NKAIN2: variants seen among roughly 807,000 people sequenced by gnomAD.
The protein encoded by NKAIN2 is sodium/potassium-transporting ATPase subunit beta-1-interacting protein 2.
In NKAIN2, 14 loss-of-function variants were observed where a neutral mutation model predicts 32.6. The ratio of observed to expected loss-of-function variants is 0.43; its 90% CI spans 0.28 to 0.67. The LOEUF is 0.67. Among genes scored for constraint, NKAIN2 ranks in the 30% least tolerant of loss-of-function variants. The pLI, the probability that NKAIN2 is intolerant of heterozygous loss-of-function variation, is 0.17. For missense variants in NKAIN2, 198 were observed against 258.3 expected (o/e 0.77, Z 1.60); for synonymous variants, 80 against 87.2 (o/e 0.92, Z 0.46).
intron 4 of NKAIN2, among the ~76,000 whole-genome samples, chr6:124,779,199 G>A (rs569463900): frequency 7.3e-5 from 11 of 150,674 alleles, no homozygotes; most frequent in East Asian, 2.0e-4. Context: ...AGCAGAGATC[G>A]TGCCACTGCA....
intron 1 of NKAIN2, among the ~76,000 whole-genome samples, chr6:124,043,956 T>C (rs1022198527): frequency 6.6e-5 from 10 of 152,082 alleles, no homozygotes; most frequent in Admixed American, 2.6e-4. Flanking sequence ...GTAGGAACTA[T>C]GTATTAGTTA....
chr6:124,604,266 A>G (rs1232889858), intron 3 of NKAIN2, among the ~76,000 whole-genome samples: 1 of 151,990 alleles, frequency 6.6e-6, no homozygotes, highest in Non-Finnish European at 1.5e-5. Context: ...TTACCCACTG[A>G]TTTAAATTAA....
At chr6:123,868,148 G>A (rs149755953) in intron 1 of NKAIN2, among the ~76,000 whole-genome samples, 183 of 152,140 alleles carry the variant, frequency 1.2e-3, no homozygotes, top group Non-Finnish European at 1.9e-3. Context: ...GATTACAGGC[G>A]TGAGCCACTG....
At chr6:124,141,386 G>A (rs1356684533) in intron 1 of NKAIN2, among the ~76,000 whole-genome samples, 2 of 152,102 alleles carry the variant, frequency 1.3e-5, no homozygotes, top group African/African-American at 4.8e-5. Flanking sequence ...TAGTGGATTT[G>A]AATTTTACAC....
intron 1 of NKAIN2, among the ~76,000 whole-genome samples, chr6:124,262,277 C>A (rs1794289778): frequency 6.6e-6 from 1 of 152,130 alleles, no homozygotes. Context: ...CCATTGCCGT[C>A]CTGGAAGAGC....
At chr6:124,286,088 G>A (rs893013485) in intron 2 of NKAIN2, among the ~76,000 whole-genome samples, 4 of 151,888 alleles carry the variant, frequency 2.6e-5, no homozygotes, top group Non-Finnish European at 5.9e-5. Flanking sequence ...AGCATTTCTC[G>A]ACTTCATGAC....
chr6:124,393,424 T>G (rs949509469), intron 3 of NKAIN2, among the ~76,000 whole-genome samples: 4 of 151,998 alleles, frequency 2.6e-5, no homozygotes, highest in Admixed American at 1.3e-4. Context: ...GTGGAAAGAA[T>G]TAGAATCAGA....
intron 1 of NKAIN2, among the ~76,000 whole-genome samples, chr6:123,976,172 C>T (rs1300339200): frequency 6.7e-6 from 1 of 149,520 alleles, no homozygotes; most frequent in East Asian, 2.0e-4. Context: ...ATAAATTACC[C>T]AGTCTTGGGT....
Position 124,144,581 on chromosome 6 carries a change from A to G in NKAIN2, c.55-138424A>G, listed in dbSNP as rs552200130. On this transcript the variant is annotated intron_variant, in intron 1 of 6. Transcript: ENST00000368417. ...ATGGTGCTGGAACATCCACAATTAA[A>G]AAAAATAAAGAATCTTGATCTAGGT... Among the ~76,000 whole-genome samples, 3 of 152,318 alleles carry G rather than the reference A, an allele frequency of 2.0e-5. No homozygotes were observed. The South Asian group carries it at 6.2e-4, about 32-fold the overall frequency.
At chr6:124,186,660 C>A (rs532845456) in intron 1 of NKAIN2, among the ~76,000 whole-genome samples, 99 of 152,224 alleles carry the variant, frequency 6.5e-4, no homozygotes, top group Non-Finnish European at 1.1e-3. Context: ...GTGTTTTCTA[C>A]CCTAACCAAT....
chr6:123,884,451 T>C (rs1165290135), intron 1 of NKAIN2, among the ~76,000 whole-genome samples: 2 of 152,142 alleles, frequency 1.3e-5, no homozygotes, highest in African/African-American at 4.8e-5. Flanking sequence ...ACTGAAGTAG[T>C]AACTGAAAGA....
intron 4 of NKAIN2, among the ~76,000 whole-genome samples, chr6:124,704,664 G>A (rs1466863431): frequency 2.7e-5 from 4 of 150,150 alleles, no homozygotes; most frequent in South Asian, 2.1e-4. Flanking sequence ...AGAGAGAGAC[G>A]TGCATATGAT....
At chr6:124,494,393 G>T (rs1454289957) in intron 3 of NKAIN2, among the ~76,000 whole-genome samples, 1 of 151,916 alleles carries the variant, frequency 6.6e-6, no homozygotes, top group Admixed American at 6.6e-5. Context: ...AAAGATAAGC[G>T]GCAGTATTTC....
At chr6:124,260,350 G>C (rs1327388846) in intron 1 of NKAIN2, among the ~76,000 whole-genome samples, 1 of 152,052 alleles carries the variant, frequency 6.6e-6, no homozygotes, top group African/African-American at 2.4e-5. Flanking sequence ...TAATAAAACA[G>C]AAATGGGAAG....
At chr6:124,522,811 G>A (rs1053679618) in intron 3 of NKAIN2, among the ~76,000 whole-genome samples, 1 of 152,026 alleles carries the variant, frequency 6.6e-6, no homozygotes, top group African/African-American at 2.4e-5. Context: ...GGGGAGAAAG[G>A]GTATATATGT....
chr6:124,777,626 GCCTT>G (rs1228253494), intron 4 of NKAIN2, among the ~76,000 whole-genome samples: 1 of 152,126 alleles, frequency 6.6e-6, no homozygotes, highest in Admixed American at 6.6e-5. Flanking sequence ...AAGTCTGCCT[GCCTT>G]TTAGGAAGTT....
intron 3 of NKAIN2, among the ~76,000 whole-genome samples, chr6:124,501,841 T>A (rs1778304141): frequency 6.6e-6 from 1 of 152,146 alleles, no homozygotes; most frequent in African/African-American, 2.4e-5. Context: ...TTCCCTTCTT[T>A]GTCTAGTGTG....
At chr6:124,617,494 C>T (rs573838856) in intron 3 of NKAIN2, among the ~76,000 whole-genome samples, 1 of 152,280 alleles carries the variant, frequency 6.6e-6, no homozygotes, top group African/African-American at 2.4e-5. Flanking sequence ...CACAAAGAAT[C>T]CTTCTATGAT....
chr6:124,414,375 C>A (rs772574230), intron 3 of NKAIN2, among the ~76,000 whole-genome samples: 7 of 152,064 alleles, frequency 4.6e-5, no homozygotes, highest in Non-Finnish European at 1.0e-4. Flanking sequence ...AGAATATTAT[C>A]CATCTTATAT....
Sources: allele counts gnomAD v4.1 joint callset (sites outside exome capture counted in the v4.1 genomes callset), GRCh38; gene constraint gnomAD v4.1.1; transcripts MANE v1.5; gene names NCBI Gene and HGNC (gene_info 2026-07-23, HGNC 2026-07-21).